Variants in RIMS1 observed in about 807,000 individuals in gnomAD.
RIMS1 encodes the protein regulating synaptic membrane exocytosis 1.
A neutral mutation model predicts 214.1 loss-of-function variants in RIMS1; 83 were observed. That is an observed-to-expected ratio of 0.39 (90% CI 0.32 to 0.47). The LOEUF is 0.47. Ranked by LOEUF, RIMS1 falls within the 20% of genes least tolerant of loss-of-function variation. RIMS1 has a pLI of 0.99. For synonymous variants in RIMS1, 793 were observed against 786.8 expected, an observed-to-expected ratio of 1.01 and a Z score of -0.13; for missense variants, 2,050 against 2,161.8, an observed-to-expected ratio of 0.95 and a Z score of 1.03.
In RIMS1 at chr6:72,274,416, T is replaced by A. The variant is rs1216282216; in HGVS notation, c.3466T>A (p.Ser1156Thr). The change falls in exon 23 of 34, where the codon TCT (serine) becomes ACT (threonine). Residue 1156 changes from serine (S) to threonine (T), a missense_variant. Physicochemically the swap from Ser to Thr is moderately conservative, Grantham distance 58. Transcript: ENST00000521978. ...PSPRIQIQHA[S>T]PENDRHSRKS... ...TCCCAGGATTCAAATCCAGCATGCG[T>A]CTCCGGAGAATGACAGGTACTAGTC... The A allele has an allele frequency of 1.9e-6, 3 of 1,613,118 alleles. No individual in the cohort carries two copies. Among genetic ancestry groups the A allele is most frequent in the Non-Finnish European group, 2.5e-6 (3 of 1,179,306 alleles).
At chr6:72,289,818 T>C (rs773446516) in intron 24 of RIMS1, among the ~76,000 whole-genome samples, 6 of 152,080 alleles carry the variant, frequency 3.9e-5, no homozygotes, top group Non-Finnish European at 7.4e-5. Flanking sequence ...ATTCTTTCTG[T>C]CAAAATAATA....
chr6:72,121,999 A>C (rs1384308110), intron 4 of RIMS1, among the ~76,000 whole-genome samples: 2 of 151,822 alleles, frequency 1.3e-5, no homozygotes, highest in Non-Finnish European at 2.9e-5. Flanking sequence ...CCCAGGGATG[A>C]AGCCAACTTG....
intron 4 of RIMS1, among the ~76,000 whole-genome samples, chr6:72,117,820 A>C (rs1182597171): frequency 6.6e-6 from 1 of 152,038 alleles, no homozygotes; most frequent in Non-Finnish European, 1.5e-5. Flanking sequence ...CTGCATCAAA[A>C]AGTCTGAAAT....
intron 29 of RIMS1, among the ~76,000 whole-genome samples, chr6:72,342,574 G>A (rs942217685): frequency 6.6e-6 from 1 of 151,400 alleles, no homozygotes; most frequent in Non-Finnish European, 1.5e-5. Flanking sequence ...ACATTTATTA[G>A]CACTTTTCTT....
At chr6:72,145,101 T>C (rs780048640) in intron 4 of RIMS1, among the ~76,000 whole-genome samples, 1 of 152,200 alleles carries the variant, frequency 6.6e-6, no homozygotes, top group Non-Finnish European at 1.5e-5. Context: ...AGTCTTATAC[T>C]TGGCCTGATT....
chr6:71,889,609 A>G (rs572787242), intron 1 of RIMS1, among the ~76,000 whole-genome samples: 2 of 152,302 alleles, frequency 1.3e-5, no homozygotes, highest in South Asian at 2.1e-4. Context: ...CTGCCATGTA[A>G]GCATGTCATA....
chr6:72,331,727 G>T (rs1462022799), intron 28 of RIMS1, among the ~76,000 whole-genome samples: 1 of 151,780 alleles, frequency 6.6e-6, no homozygotes, highest in Non-Finnish European at 1.5e-5. Context: ...ACTCTCATTT[G>T]TGTCTCAAAA....
intron 29 of RIMS1, among the ~76,000 whole-genome samples, chr6:72,352,928 T>G (rs1045908261): frequency 2.6e-5 from 4 of 151,758 alleles, no homozygotes; most frequent in Non-Finnish European, 5.9e-5. Flanking sequence ...ACACACAACT[T>G]GAAAAGGCTT....
At chr6:72,051,872 TC>T (rs1055498175) in intron 2 of RIMS1, among the ~76,000 whole-genome samples, 1 of 152,158 alleles carries the variant, frequency 6.6e-6, no homozygotes, top group African/African-American at 2.4e-5. Flanking sequence ...TGTTTTTTTT[TC>T]AATTTAGTAC....
intron 18 of RIMS1, among the ~76,000 whole-genome samples, chr6:72,259,610 T>A (rs1162984311): frequency 2.3e-5 from 2 of 88,050 alleles, no homozygotes; most frequent in Non-Finnish European, 4.2e-5. Flanking sequence ...CTAGAAAATG[T>A]CTATAGAATA....
chr6:72,221,833 C>T (rs972452426), intron 6 of RIMS1, among the ~76,000 whole-genome samples: 4 of 151,890 alleles, frequency 2.6e-5, no homozygotes, highest in Non-Finnish European at 5.9e-5. Context: ...TTCTATATTT[C>T]TCCAGCTCAA....
chr6:72,355,611 G>A (rs1279709392), intron 29 of RIMS1, among the ~76,000 whole-genome samples: 2 of 152,128 alleles, frequency 1.3e-5, no homozygotes, highest in African/African-American at 4.8e-5. Context: ...GAAAAATTGT[G>A]CAGCAGTTAT....
At chr6:72,021,229 A>G (rs1814571095) in intron 2 of RIMS1, among the ~76,000 whole-genome samples, 1 of 152,226 alleles carries the variant, frequency 6.6e-6, no homozygotes, top group Non-Finnish European at 1.5e-5. Flanking sequence ...AATAATCTTA[A>G]TAAATGTGTT....
chr6:72,266,541 C>T (rs141320135), intron 22 of RIMS1, among the ~76,000 whole-genome samples: 2 of 152,202 alleles, frequency 1.3e-5, no homozygotes, highest in Non-Finnish European at 2.9e-5. Context: ...TTTAATCAAT[C>T]TACTCTTTGA....
intron 1 of RIMS1, among the ~76,000 whole-genome samples, chr6:71,951,492 T>TTTTTTTGTG (rs1162341760): frequency 3.4e-5 from 4 of 117,462 alleles, no homozygotes; most frequent in African/African-American, 1.1e-4. Flanking sequence ...TTTTTTTTTT[T>TTTTTTTGTG]TGTGTGTGTG....
chr6:72,302,373 T>C (rs1305314508), intron 26 of RIMS1, among the ~76,000 whole-genome samples: 1 of 151,734 alleles, frequency 6.6e-6, no homozygotes, highest in African/African-American at 2.4e-5. Flanking sequence ...TTTTAAGATA[T>C]AGTTTATACA....
intron 2 of RIMS1, among the ~76,000 whole-genome samples, chr6:72,009,795 A>T (rs994320077): frequency 6.6e-6 from 1 of 152,222 alleles, no homozygotes; most frequent in Admixed American, 6.5e-5. Flanking sequence ...GAATCTCTGA[A>T]TAGACCAATA....
chr6:72,062,798 G>T (rs1036471471), intron 2 of RIMS1, among the ~76,000 whole-genome samples: 7 of 152,050 alleles, frequency 4.6e-5, no homozygotes, highest in Admixed American at 2.0e-4. Context: ...GTAGCTCCTG[G>T]TAGTGTCAGG....
chr6:72,105,640 T>A (rs954548390), intron 4 of RIMS1, among the ~76,000 whole-genome samples: 3 of 152,206 alleles, frequency 2.0e-5, no homozygotes, highest in Non-Finnish European at 4.4e-5. Context: ...GCAAGTTTAT[T>A]ATTTAATAAA....
Sources: gnomAD v4.1 joint callset for allele counts (sites outside exome capture counted in the v4.1 genomes callset) on GRCh38, gnomAD v4.1.1 for gene constraint, MANE v1.5 for transcripts, NCBI Gene and HGNC (gene_info 2026-07-23, HGNC 2026-07-21) for gene names.